PHKA2: variants seen among roughly 807,000 people sequenced by gnomAD.
PHKA2 encodes the protein phosphorylase kinase regulatory subunit alpha 2.
Under a neutral mutation model 102.0 loss-of-function variants are expected in PHKA2, and 31 were observed. The ratio of observed to expected loss-of-function variants is 0.30; its 90% CI spans 0.23 to 0.41. The LOEUF (loss-of-function observed/expected upper bound fraction) is 0.41, where lower values mean the gene tolerates loss of function less well. Among genes scored for constraint, PHKA2 ranks in the 10% least tolerant of loss-of-function variants. PHKA2 has a pLI of 1.00. For missense variants in PHKA2, 858 were observed against 1,023.1 expected, an observed-to-expected ratio of 0.84 and a Z score of 2.20; for synonymous variants, 455 against 416.2, an observed-to-expected ratio of 1.09 and a Z score of -1.13.
chrX:18,902,929 A>G (rs1348711062), intron 26 of PHKA2: 1 of 112,242 alleles, frequency 8.9e-6, no homozygotes, highest in African/African-American at 3.2e-5. Context: ...AATTAGAAAT[A>G]AATAAATAAA....
intron 1 of PHKA2, among the ~76,000 whole-genome samples, chrX:18,974,190 T>C (rs747284650): frequency 9.1e-6 from 1 of 110,260 alleles, no homozygotes; most frequent in South Asian, 3.9e-4. Context: ...ACCAGAAACA[T>C]AATTTCTCAT....
intron 9 of PHKA2, among the ~76,000 whole-genome samples, chrX:18,939,788 T>C (rs369721830): frequency 5.4e-5 from 6 of 112,134 alleles, no homozygotes; most frequent in East Asian, 5.6e-4. Context: ...CCACCGCGCC[T>C]GGCCAAGCTG....
At chrX:18,964,676 C>G (rs1289953409) in intron 1 of PHKA2, among the ~76,000 whole-genome samples, 1 of 112,453 alleles carries the variant, frequency 8.9e-6, no homozygotes, top group Non-Finnish European at 1.9e-5. Context: ...CAATGCTTTA[C>G]ACCTGAGATG....
intron 1 of PHKA2, among the ~76,000 whole-genome samples, chrX:18,959,295 T>C (rs1263531252): frequency 2.7e-5 from 3 of 112,410 alleles, no homozygotes; most frequent in Admixed American, 9.5e-5. Context: ...TTGCGATGTT[T>C]AATATTATTC....
chrX:18,956,736 C>A (rs2048781296), intron 1 of PHKA2, among the ~76,000 whole-genome samples: 1 of 112,276 alleles, frequency 8.9e-6, no homozygotes, highest in African/African-American at 3.2e-5. Flanking sequence ...TTACTGCACT[C>A]AGCAATAGGA....
chrX:18,979,196 T>C (rs771918874), intron 1 of PHKA2, among the ~76,000 whole-genome samples: 1 of 112,114 alleles, frequency 8.9e-6, no homozygotes, highest in South Asian at 3.7e-4. Context: ...CTTCCTATTC[T>C]TCTGCCATAT....
At chrX:18,964,282 G>C (rs2048908552) in intron 1 of PHKA2, among the ~76,000 whole-genome samples, 1 of 111,393 alleles carries the variant, frequency 9.0e-6, no homozygotes, top group African/African-American at 3.3e-5. Flanking sequence ...TCCTGTGGGA[G>C]CTCCCTCCTC....
intron 1 of PHKA2, among the ~76,000 whole-genome samples, chrX:18,968,391 T>C (rs768611367): frequency 9.0e-6 from 1 of 111,657 alleles, no homozygotes; most frequent in Non-Finnish European, 1.9e-5. Context: ...TCAGTTGAAG[T>C]ATATGAAGAA....
Position 18,931,754 on chromosome X carries a change from AAG to A in PHKA2, c.1138-8_1138-7del. 1 of 1,114,667 alleles carries A rather than the reference AAG, an allele frequency of 9.0e-7. No individual in the cohort carries two copies. The highest frequency in any genetic ancestry group is 2.2e-5 in the Admixed American group (1 of 45,950). 91.9% of individuals were successfully genotyped at this position (1,114,667 alleles called of 1,213,427 possible). On this transcript the variant is annotated splice_region_variant and splice_polypyrimidine_tract_variant and intron_variant, in intron 11 of 32. Transcript: ENST00000379942. Reference sequence around the variant, plus strand: ...TTCTTGTACTCTTCATCTACCTGGAAAGAGAGACAAATCCAAAGTCAGAAAGT... The same window carrying A: ...TTCTTGTACTCTTCATCTACCTGGAAAGAGACAAATCCAAAGTCAGAAAGT...
chrX:18,894,820 G>C, intron 31 of PHKA2: 1 of 403,817 alleles, frequency 2.5e-6, no homozygotes, highest in Non-Finnish European at 4.3e-6. Context: ...GGCCGAGAAG[G>C]CTGCCCATGG....
chrX:18,897,622 G>A, intron 29 of PHKA2: 1 of 352,768 alleles, frequency 2.8e-6, no homozygotes, highest in Non-Finnish European at 5.0e-6. Flanking sequence ...GCGAGCACGG[G>A]CTTGGGGGTC....
At chrX:18,968,744 GTTTT>G (rs1288245640) in intron 1 of PHKA2, among the ~76,000 whole-genome samples, 1 of 112,419 alleles carries the variant, frequency 8.9e-6, no homozygotes, top group Admixed American at 9.4e-5. Flanking sequence ...CATCAGAAAA[GTTTT>G]TTAAGTATCA....
intron 30 of PHKA2, 120 bp downstream of exon 30, chrX:18,897,043 G>GAGA (rs2047573333): frequency 1.8e-5 from 15 of 838,685 alleles, no homozygotes; most frequent in Middle Eastern, 2.8e-4. Context: ...GGTGCCAACA[G>GAGA]CGCTGAGGCA....
At chrX:18,942,753 C>T (rs895283979) in intron 7 of PHKA2, among the ~76,000 whole-genome samples, 6 of 107,602 alleles carry the variant, frequency 5.6e-5, no homozygotes, top group African/African-American at 1.7e-4. Flanking sequence ...GAAGCTGAGG[C>T]GGGAGGACTG....
chrX:18,900,802 C>A, intron 27 of PHKA2, 103 bp from the exon 28 acceptor site: 3 of 689,108 alleles, frequency 4.4e-6, no homozygotes, highest in Non-Finnish European at 7.0e-6. Context: ...TTGGTCAAAC[C>A]GCAGGGGGTG....
chrX:18,950,520 G>A (rs1160466764), intron 4 of PHKA2, among the ~76,000 whole-genome samples: 2 of 112,737 alleles, frequency 1.8e-5, no homozygotes, highest in Non-Finnish European at 3.8e-5. Flanking sequence ...GTGCCCAGGT[G>A]GAGGGTGACT....
Position 18,941,512 on chromosome X carries a change from G to T in PHKA2, c.864+17C>A. The T allele has an allele frequency of 8.3e-7, 1 of 1,203,459 alleles. No homozygotes were observed. Among genetic ancestry groups the T allele is most frequent in the South Asian group, 1.8e-5 (1 of 56,814 alleles). The stretch of plus-strand genomic sequence containing the variant: ...CATCACACAGGACAGAAGGGCACCA[G>T]CATGACTAATGCTTACCTGGAGCTT... On this transcript the variant is annotated intron_variant, in intron 8 of 32. Coordinates refer to ENST00000379942, the MANE Select transcript of PHKA2 (RefSeq NM_000292.3).
In PHKA2 at chrX:18,977,982, C is replaced by T. The variant is rs549323568; in HGVS notation, c.78+5873G>A. ...TTTGAGACCAGCCTGGCCAACATGG[C>T]GAAACCCGTCTCTACTAAAAATACA... On this transcript the variant is annotated intron_variant, in intron 1 of 32. Transcript: ENST00000379942. Among the ~76,000 whole-genome samples the T allele has an allele frequency of 1.4e-4, 16 of 111,553 alleles. No individual in the cohort carries two copies. In the South Asian group the frequency reaches 3.0e-3, roughly 21 times the overall value.
intron 13 of PHKA2, among the ~76,000 whole-genome samples, chrX:18,928,893 G>T (rs990638500): frequency 2.7e-5 from 3 of 112,919 alleles, no homozygotes; most frequent in African/African-American, 9.6e-5. Flanking sequence ...ATGACCCTCA[G>T]TTGGGTTCTG....
Sources: allele counts gnomAD v4.1 joint callset (sites outside exome capture counted in the v4.1 genomes callset), GRCh38; gene constraint gnomAD v4.1.1; transcripts MANE v1.5; gene names NCBI Gene and HGNC (gene_info 2026-07-23, HGNC 2026-07-21).